Variants in POU3F3 observed in about 807,000 individuals in gnomAD.
The protein encoded by POU3F3 is POU domain, class 3, transcription factor 3.
Under a neutral mutation model 8.6 loss-of-function variants are expected in POU3F3, and 1 was observed. The observed-to-expected ratio is 0.12, with a 90% confidence interval of 0.04 to 0.55. The LOEUF is 0.55. Among genes scored for constraint, POU3F3 ranks in the 20% least tolerant of loss-of-function variants. POU3F3 has a pLI of 0.91. For synonymous variants in POU3F3, 418 were observed against 327.4 expected (o/e 1.28, Z -2.99); for missense variants, 577 against 690.7 (o/e 0.84, Z 1.84).
chr2:104,915,707 C>T, the POU3F3 span, among the ~76,000 whole-genome samples: 1 of 151,744 alleles, frequency 6.6e-6, no homozygotes, highest in Admixed American at 6.6e-5. Context: ...TCTTCAATGC[C>T]ATTTCTTTCA....
chr2:104,857,066 C>G lies in POU3F3; in HGVS notation c.*53C>G, dbSNP rs1238101693. 3.5e-5 allele frequency: 43 copies of G among 1,229,224 alleles called. No individual in the cohort carries two copies. The highest frequency in any genetic ancestry group is 4.3e-5 in the Non-Finnish European group (42 of 981,972). The allele number at this position is 1,229,224 out of a possible 1,614,324, so 76.1% of individuals were successfully genotyped here. ...CCGCCGCCGCCGCCTCCGCAGCCGC[C>G]GTCAGCACCGCCGCCGCCCCTGCCG... On this transcript the variant is annotated 3_prime_UTR_variant, in exon 1 of 1. Transcript: ENST00000361360.
the POU3F3 span, among the ~76,000 whole-genome samples, chr2:104,919,163 G>A: frequency 6.6e-6 from 1 of 152,186 alleles, no homozygotes; most frequent in Non-Finnish European, 1.5e-5. Flanking sequence ...GAGCCACCAT[G>A]CCTGGTCCAT....
chr2:104,905,175 T>C, the POU3F3 span, among the ~76,000 whole-genome samples: 1 of 152,210 alleles, frequency 6.6e-6, no homozygotes, highest in East Asian at 1.9e-4. Context: ...ACCTTTCATC[T>C]CACATGATTG....
At chr2:104,893,883 CAA>C in the POU3F3 span, among the ~76,000 whole-genome samples, 232 of 87,766 alleles carry the variant, frequency 2.6e-3, no homozygotes, top group Admixed American at 2.1e-3. Context: ...AACTCTGTCT[CAA>C]AAAAAAAAAA....
the POU3F3 span, among the ~76,000 whole-genome samples, chr2:104,902,627 C>T: frequency 2.0e-5 from 3 of 152,178 alleles, no homozygotes; most frequent in African/African-American, 7.2e-5. Context: ...AGTCAAATCC[C>T]CAGCAGTGAC....
the POU3F3 span, among the ~76,000 whole-genome samples, chr2:104,895,115 T>C: frequency 6.6e-6 from 1 of 151,806 alleles, no homozygotes. Context: ...ACTGGCCCTA[T>C]CCCTCAAGCG....
chr2:104,897,362 G>A, the POU3F3 span, among the ~76,000 whole-genome samples: 1 of 152,072 alleles, frequency 6.6e-6, no homozygotes, highest in Admixed American at 6.6e-5. Context: ...CCCCAACCCT[G>A]GCAGGTGTTT....
Position 104,856,374 on chromosome 2 carries a change from G to A in POU3F3, c.864G>A (p.Ala288=), listed in dbSNP as rs1676569074. The A allele has an allele frequency of 6.5e-7, 1 of 1,545,184 alleles. No individual in the cohort carries two copies. The highest frequency in any genetic ancestry group is 8.7e-7 in the Non-Finnish European group (1 of 1,148,600). ...AHPHPPHPHH[A]QGPPHHGGGG... is the part of the protein sequence containing the mutation. Reference sequence around the variant, plus strand: ...CTCACCCGCCGCACCCGCACCACGCGCAGGGACCCCCGCACCACGGCGGCG... The same window carrying A: ...CTCACCCGCCGCACCCGCACCACGCACAGGGACCCCCGCACCACGGCGGCG... The change falls in exon 1 of 1, where the codon GCG becomes GCA. Residue 288 remains alanine (A), a synonymous_variant. Transcript: ENST00000361360.
chr2:104,882,550 C>G, the POU3F3 span, among the ~76,000 whole-genome samples: 1 of 152,154 alleles, frequency 6.6e-6, no homozygotes, highest in Non-Finnish European at 1.5e-5. Flanking sequence ...CTGCACCCTG[C>G]ATATTTTTAA....
rs1676600042 is a variant in POU3F3, at chr2:104,857,690, T to C, written c.*677T>C. ...ACCGTGCTCTGGGACCCTGTTTTTC[T>C]TGGCCATATTAAAGTCATTTGGAAA... is the stretch of plus-strand genomic sequence containing the variant. On this transcript the variant is annotated 3_prime_UTR_variant, in exon 1 of 1. Coordinates refer to ENST00000361360, the MANE Select transcript of POU3F3 (RefSeq NM_006236.3). The C allele has an allele frequency of 6.5e-6, 1 of 153,520 alleles. No individual in the cohort carries two copies. The highest frequency in any genetic ancestry group is 1.5e-5 in the Non-Finnish European group (1 of 68,038). The allele number at this position is 153,520 out of a possible 1,614,324, so 9.5% of individuals were successfully genotyped here.
the POU3F3 span, among the ~76,000 whole-genome samples, chr2:104,878,980 C>T: frequency 6.6e-6 from 1 of 151,770 alleles, no homozygotes; most frequent in African/African-American, 2.4e-5. Context: ...TCACACAACA[C>T]GGCACACACA....
chr2:104,899,328 T>C, the POU3F3 span, among the ~76,000 whole-genome samples: 1 of 152,222 alleles, frequency 6.6e-6, no homozygotes, highest in Non-Finnish European at 1.5e-5. Context: ...CCCTGATTCT[T>C]TCCTTTCCCC....
chr2:104,904,835 C>A, the POU3F3 span, among the ~76,000 whole-genome samples: 1 of 151,876 alleles, frequency 6.6e-6, no homozygotes, highest in Non-Finnish European at 1.5e-5. Flanking sequence ...AAGAGAGGGG[C>A]GTGGAGGGGA....
the POU3F3 span, among the ~76,000 whole-genome samples, chr2:104,922,491 T>A: frequency 6.7e-6 from 1 of 150,316 alleles, no homozygotes; most frequent in Non-Finnish European, 1.5e-5. Flanking sequence ...CAAAAAGACA[T>A]TCTGGAGCTG....
chr2:104,888,351 G>A, the POU3F3 span, among the ~76,000 whole-genome samples: 1 of 152,212 alleles, frequency 6.6e-6, no homozygotes, highest in Non-Finnish European at 1.5e-5. Flanking sequence ...GAAGCTCTGT[G>A]TGGTGAGATG....
At chr2:104,881,147 T>C in the POU3F3 span, among the ~76,000 whole-genome samples, 1 of 143,164 alleles carries the variant, frequency 7.0e-6, no homozygotes, top group Non-Finnish European at 1.5e-5. Flanking sequence ...TCTTTCTTTC[T>C]TTCCTTTCTT....
Position 104,854,178 on chromosome 2 carries a change from G to A in POU3F3, c.-1333G>A, listed in dbSNP as rs992532733. Among the ~76,000 whole-genome samples the A allele has an allele frequency of 1.3e-5, 2 of 152,136 alleles. No homozygotes were observed. Among genetic ancestry groups the A allele is most frequent in the East Asian group, 1.9e-4 (1 of 5,160 alleles). On this transcript the variant is annotated 5_prime_UTR_variant, in exon 1 of 1. Coordinates refer to ENST00000361360, the MANE Select transcript of POU3F3 (RefSeq NM_006236.3). This position sits in a 1 kb window ranked among gnomAD's most constrained non-coding sequence, Gnocchi z 4.5. ...CGAACTGTCAGATCGGAGCGAGAGCGGGCGCCCGAGAGAGGGAGAGAGAGA... is the reference window on the plus strand; with the variant it reads ...CGAACTGTCAGATCGGAGCGAGAGCAGGCGCCCGAGAGAGGGAGAGAGAGA...
At chr2:104,901,292 A>T in the POU3F3 span, among the ~76,000 whole-genome samples, 8 of 152,248 alleles carry the variant, frequency 5.3e-5, no homozygotes, top group African/African-American at 1.7e-4. Flanking sequence ...TTACAAGCAC[A>T]TATTGAACCA....
chr2:104,878,377 C>T, the POU3F3 span, among the ~76,000 whole-genome samples: 1 of 152,094 alleles, frequency 6.6e-6, no homozygotes, highest in African/African-American at 2.4e-5. Flanking sequence ...ATAGAGAAAG[C>T]CTAAGATATA....
Sources: allele counts gnomAD v4.1 joint callset (sites outside exome capture counted in the v4.1 genomes callset), GRCh38; gene constraint gnomAD v4.1.1; non-coding constraint Gnocchi (gnomAD v3.1); transcripts MANE v1.5; gene names NCBI Gene and HGNC (gene_info 2026-07-23, HGNC 2026-07-21).